The following DAB2IP variants were observed in gnomAD, a reference collection of about 807,000 sequenced individuals.
DAB2IP encodes the protein DAB2 interacting protein.
DAB2IP carries 28 observed loss-of-function variants against 107.2 expected under a neutral mutation model. That is an observed-to-expected ratio of 0.26 (90% CI 0.19 to 0.36). DAB2IP has a LOEUF of 0.36. Among genes scored for constraint, DAB2IP ranks in the 10% least tolerant of loss-of-function variants. The probability of loss-of-function intolerance (pLI) is 1.00; values close to 1 mark genes in which losing one functional copy is unlikely to be tolerated. For synonymous variants in DAB2IP, 755 were observed against 706.4 expected (o/e 1.07, Z -1.09); for missense variants, 1,400 against 1,644.7 (o/e 0.85, Z 2.57).
intron 1 of DAB2IP, among the ~76,000 whole-genome samples, chr9:121,626,792 A>T (rs1273657542): frequency 1.3e-5 from 2 of 152,156 alleles, no homozygotes; most frequent in Non-Finnish European, 2.9e-5. Context: ...AAGAATGACG[A>T]AGGCACAGGA....
At chr9:121,581,094 C>G (rs2118905397) in intron 1 of DAB2IP, among the ~76,000 whole-genome samples, 1 of 152,266 alleles carries the variant, frequency 6.6e-6, no homozygotes, top group South Asian at 2.1e-4. Context: ...AGGGGAGGAA[C>G]AGGGTTGTGC....
intron 1 of DAB2IP, among the ~76,000 whole-genome samples, chr9:121,587,488 G>C (rs887574041): frequency 6.6e-6 from 1 of 151,954 alleles, no homozygotes; most frequent in African/African-American, 2.4e-5. Flanking sequence ...CATGCCTGTA[G>C]TTCCAGCTAC....
At position 121,642,053 on chromosome 9, in the gene DAB2IP, T is replaced by C. The variant is rs145577763; in HGVS notation, c.41-36625T>C. On this transcript the variant is annotated intron_variant, in intron 1 of 16. Transcript: ENST00000259371. Reference sequence around the variant, plus strand: ...TCTCTTTCTTTCTTTCTTTCTTTCTTTCTTTCTTTCTTTCTTTCTTTCTTT... The same window carrying C: ...TCTCTTTCTTTCTTTCTTTCTTTCTCTCTTTCTTTCTTTCTTTCTTTCTTT... 9.9e-3 allele frequency among the ~76,000 whole-genome samples: 458 copies of C among 46,332 alleles called. 14 individuals carry two copies. Among genetic ancestry groups the C allele is most frequent in the African/African-American group, 0.046 (400 of 8,640 alleles). 30.4% of individuals were successfully genotyped at this position (46,332 alleles called of 152,430 possible). A position where few individuals can be genotyped will look rare whatever the true frequency, so the allele number is the denominator to read the frequency against.
chr9:121,678,180 A>T (rs1828368679), intron 1 of DAB2IP, among the ~76,000 whole-genome samples: 1 of 152,224 alleles, frequency 6.6e-6, no homozygotes, highest in Admixed American at 6.5e-5. Flanking sequence ...GCCTCTGCTA[A>T]CTTCAAATCT....
intron 5 of DAB2IP, among the ~76,000 whole-genome samples, chr9:121,759,598 C>T (rs1049573841): frequency 5.3e-5 from 8 of 152,346 alleles, no homozygotes; most frequent in South Asian, 2.1e-4. Flanking sequence ...CTCTCAGTCT[C>T]GCCCTCTATG....
chr9:121,651,702 C>A lies in DAB2IP; in HGVS notation c.-74C>A. The A allele has an allele frequency of 8.7e-7, 1 of 1,149,038 alleles. No homozygotes were observed. The highest frequency in any genetic ancestry group is 1.1e-6 in the Non-Finnish European group (1 of 935,706). The allele number at this position is 1,149,038 out of a possible 1,614,324, so 71.2% of individuals were successfully genotyped here. A position where few individuals can be genotyped will look rare whatever the true frequency, so the allele number is the denominator to read the frequency against. On this transcript the variant is annotated 5_prime_UTR_variant, in exon 1 of 16. Coordinates refer to ENST00000408936, the Ensembl canonical transcript of DAB2IP. The surrounding 1 kb of genome is among the most constrained non-coding windows in gnomAD (Gnocchi z 5.1). Reference sequence around the variant, plus strand: ...CGCGGGAGAACGCGTGGGCGCCCGCCGGGCTGTCCGGAGCGGCCGATGGGG... The same window carrying A: ...CGCGGGAGAACGCGTGGGCGCCCGCAGGGCTGTCCGGAGCGGCCGATGGGG...
intron 1 of DAB2IP, among the ~76,000 whole-genome samples, chr9:121,591,916 G>C (rs1830428697): frequency 6.6e-6 from 1 of 152,186 alleles, no homozygotes; most frequent in South Asian, 2.1e-4. Context: ...CAGAGAACTA[G>C]GGGACAAACT....
chr9:121,567,584 G>A (rs1375775805), intron 1 of DAB2IP, among the ~76,000 whole-genome samples: 1 of 152,200 alleles, frequency 6.6e-6, no homozygotes, highest in Admixed American at 6.5e-5. Flanking sequence ...TGTGCTGTGG[G>A]GAATTCAATT....
chr9:121,758,968 A>G, exon 5 of DAB2IP: 1 of 1,613,270 alleles, frequency 6.2e-7, no homozygotes, highest in Non-Finnish European at 8.5e-7. Context: ...TGGATGGAGA[A>G]CCTCCGGCGA....
chr9:121,737,351 C>G (rs1832002090), intron 3 of DAB2IP: 1 of 985,460 alleles, frequency 1.0e-6, no homozygotes, highest in South Asian at 4.7e-5. Flanking sequence ...ACACGGAAAC[C>G]TTTAGATGTT....
At chr9:121,727,966 C>CT (rs1315580391) in intron 3 of DAB2IP, among the ~76,000 whole-genome samples, 1 of 152,138 alleles carries the variant, frequency 6.6e-6, no homozygotes, top group Non-Finnish European at 1.5e-5. Flanking sequence ...TCAGTGTTGT[C>CT]TTTTTTTGTA....
At chr9:121,710,466 A>G (rs369618119) in intron 3 of DAB2IP, among the ~76,000 whole-genome samples, 5 of 152,100 alleles carry the variant, frequency 3.3e-5, no homozygotes, top group African/African-American at 9.6e-5. Flanking sequence ...GCAACTTATC[A>G]CTTATTCTCA....
rs1832794110 is a variant in DAB2IP, at chr9:121,747,417, G to A, written c.363-9596G>A. Among the ~76,000 whole-genome samples the A allele has an allele frequency of 2.0e-5, 3 of 148,036 alleles. 1 individual carries two copies. The South Asian group carries it at 6.3e-4, about 31-fold the overall frequency. On this transcript the variant is annotated intron_variant, in intron 3 of 15. Transcript: ENST00000408936. ...GGCTGGAGTGCAGTGGCACTATCTT[G>A]GCTCACTGCAAGCTCCACCTCTCAG... is the stretch of plus-strand genomic sequence containing the variant.
chr9:121,682,854 C>T (rs1314931799), intron 2 of DAB2IP, among the ~76,000 whole-genome samples: 1 of 152,128 alleles, frequency 6.6e-6, no homozygotes, highest in South Asian at 2.1e-4. Flanking sequence ...ACAACTCCCT[C>T]CCTCCTATAG....
At chr9:121,715,513 C>T (rs983237050) in intron 3 of DAB2IP, among the ~76,000 whole-genome samples, 4 of 151,876 alleles carry the variant, frequency 2.6e-5, no homozygotes, top group Admixed American at 6.6e-5. Flanking sequence ...CCACCACACC[C>T]GGCTAATTTT....
intron 3 of DAB2IP, among the ~76,000 whole-genome samples, chr9:121,747,238 G>A (rs1173220783): frequency 2.0e-5 from 3 of 152,088 alleles, no homozygotes; most frequent in Admixed American, 6.5e-5. Context: ...AGGGAGGGCT[G>A]CAGGGTTGTC....
chr9:121,615,877 T>G (rs1206167941), intron 1 of DAB2IP, among the ~76,000 whole-genome samples: 1 of 151,916 alleles, frequency 6.6e-6, no homozygotes, highest in Admixed American at 6.6e-5. Flanking sequence ...CCACCTCCCT[T>G]GGCCTCCCAA....
chr9:121,605,632 C>G (rs2118962677), intron 1 of DAB2IP, among the ~76,000 whole-genome samples: 1 of 152,188 alleles, frequency 6.6e-6, no homozygotes, highest in East Asian at 1.9e-4. Context: ...CCTAGAGTAT[C>G]TGGGACTACA....
In DAB2IP at chr9:121,781,445, T is replaced by C. The variant is rs1329695239; in HGVS notation, c.3315-19T>C. The C allele has an allele frequency of 1.9e-6, 3 of 1,613,290 alleles. No homozygotes were observed. Among genetic ancestry groups the C allele is most frequent in the Non-Finnish European group, 2.5e-6 (3 of 1,179,556 alleles). ...GCTGCCTCCAGGGCCAGTCTGACTG[T>C]CTCTGTCTCTGGCTATAGGTTGATG... On this transcript the variant is annotated intron_variant, in intron 14 of 15. Transcript: ENST00000408936.
Sources: gnomAD v4.1 joint callset for allele counts (sites outside exome capture counted in the v4.1 genomes callset) on GRCh38, gnomAD v4.1.1 for gene constraint, Gnocchi (gnomAD v3.1) non-coding constraint, MANE v1.5 for transcripts, NCBI Gene and HGNC (gene_info 2026-07-23, HGNC 2026-07-21) for gene names.